The following KIF26B variants were observed in gnomAD, a reference collection of about 807,000 sequenced individuals.
KIF26B encodes kinesin family member 26B.
In KIF26B, 63 loss-of-function variants were observed where a neutral mutation model predicts 151.2. The ratio of observed to expected loss-of-function variants is 0.42; its 90% CI spans 0.34 to 0.51. KIF26B has a LOEUF of 0.51. Among genes scored for constraint, KIF26B ranks in the 20% least tolerant of loss-of-function variants. The pLI is 0.07. For missense variants in KIF26B, 2,813 were observed against 2,913.6 expected (o/e 0.97, Z 0.79); for synonymous variants, 1,357 against 1,262.1 (o/e 1.08, Z -1.59).
intron 2 of KIF26B, among the ~76,000 whole-genome samples, chr1:245,232,141 A>G (rs536039198): frequency 1.1e-4 from 16 of 152,370 alleles, no homozygotes; most frequent in African/African-American, 3.8e-4. Context: ...TTTGAATAAT[A>G]AAACAATGGA....
intron 10 of KIF26B, among the ~76,000 whole-genome samples, chr1:245,681,737 A>C (rs1038650285): frequency 1.3e-5 from 2 of 152,226 alleles, no homozygotes; most frequent in Non-Finnish European, 2.9e-5. Context: ...GACACCAAAG[A>C]AATGTACAAT....
intron 5 of KIF26B, among the ~76,000 whole-genome samples, chr1:245,548,019 A>G (rs1661788944): frequency 2.0e-5 from 3 of 152,184 alleles, no homozygotes; most frequent in Non-Finnish European, 4.4e-5. Context: ...CCTGCTTCAT[A>G]TGAGTAGACA....
At chr1:245,551,016 G>A in intron 5 of KIF26B, among the ~76,000 whole-genome samples, 1 of 152,236 alleles carries the variant, frequency 6.6e-6, no homozygotes, top group Middle Eastern at 3.4e-3. Flanking sequence ...TTTTTGTCCC[G>A]TCATCATGCA....
chr1:245,553,651 CA>C (rs146473392), intron 5 of KIF26B, among the ~76,000 whole-genome samples: 1 of 151,928 alleles, frequency 6.6e-6, no homozygotes, highest in Non-Finnish European at 1.5e-5. Flanking sequence ...CCAAAAGAAA[CA>C]AAAAAAGTCC....
chr1:245,274,063 T>C (rs1487599468), intron 2 of KIF26B, among the ~76,000 whole-genome samples: 1 of 152,190 alleles, frequency 6.6e-6, no homozygotes, highest in Non-Finnish European at 1.5e-5. Context: ...GGGGATTACA[T>C]AAAACATTTT....
chr1:245,368,122 T>G (rs1164303196), intron 3 of KIF26B, among the ~76,000 whole-genome samples: 2 of 151,930 alleles, frequency 1.3e-5, no homozygotes, highest in African/African-American at 4.8e-5. Flanking sequence ...GATGCCCTTC[T>G]TAACCTCTCC....
chr1:245,364,712 G>A (rs566342673), intron 2 of KIF26B, among the ~76,000 whole-genome samples: 2 of 152,202 alleles, frequency 1.3e-5, no homozygotes, highest in South Asian at 2.1e-4. Context: ...GAGCCACCGC[G>A]CCCGGCTGAA....
At chr1:245,482,558 G>C (rs1660190664) in intron 4 of KIF26B, among the ~76,000 whole-genome samples, 1 of 151,684 alleles carries the variant, frequency 6.6e-6, no homozygotes, top group Non-Finnish European at 1.5e-5. Context: ...CTGCCCGAGG[G>C]TACCCTGCTT....
rs2044732840 is a variant in KIF26B, at chr1:245,698,938, A to C, written c.6079A>C (p.Arg2027=). The C allele has an allele frequency of 3.1e-6, 5 of 1,613,930 alleles. No homozygotes were observed. Among genetic ancestry groups the C allele is most frequent in the Non-Finnish European group, 4.2e-6 (5 of 1,179,900 alleles). The change falls in exon 14 of 15, where the codon AGG becomes CGG. Residue 2027 remains arginine, a synonymous_variant. Transcript: ENST00000407071. The surrounding 1 kb of genome is among the most constrained non-coding windows in gnomAD (Gnocchi z 4.0). ...KLKILEHRQQ[R]IAEVRAKYEW... is the part of the protein sequence containing the mutation. ...GAAGATTCTGGAACACCGCCAGCAG[A>C]GGATCGCCGAGGTCCGCGCGAAGTA...
chr1:245,253,895 C>T (rs1670487192), intron 2 of KIF26B, among the ~76,000 whole-genome samples: 1 of 149,006 alleles, frequency 6.7e-6, no homozygotes, highest in African/African-American at 2.5e-5. Flanking sequence ...CTGCCAGCTC[C>T]ACCTCCCGGG....
chr1:245,552,757 T>A (rs1319653443), intron 5 of KIF26B, among the ~76,000 whole-genome samples: 1 of 151,932 alleles, frequency 6.6e-6, no homozygotes, highest in African/African-American at 2.4e-5. Flanking sequence ...ATGCCACCAC[T>A]CCCGGCTAAT....
At chr1:245,215,736 T>C (rs1420356344) in intron 2 of KIF26B, among the ~76,000 whole-genome samples, 1 of 152,168 alleles carries the variant, frequency 6.6e-6, no homozygotes, top group Non-Finnish European at 1.5e-5. Flanking sequence ...AGAAATTGGG[T>C]GACTGTGTAT....
intron 9 of KIF26B, among the ~76,000 whole-genome samples, chr1:245,621,101 C>T (rs1214221951): frequency 6.6e-6 from 1 of 152,176 alleles, no homozygotes; most frequent in Non-Finnish European, 1.5e-5. Context: ...TGCTGCCCTC[C>T]AGCCCAATTA....
At chr1:245,609,636 G>C (rs979194476) in intron 8 of KIF26B, 108 bp downstream of exon 8, 1 of 1,223,162 alleles carries the variant, frequency 8.2e-7, no homozygotes, top group East Asian at 2.7e-5. Context: ...AGAGGCTTAC[G>C]GGTGTTTACT....
chr1:245,534,483 G>T (rs1410739678), intron 4 of KIF26B, among the ~76,000 whole-genome samples: 2 of 151,870 alleles, frequency 1.3e-5, no homozygotes, highest in African/African-American at 4.8e-5. Context: ...TTTTATAGGT[G>T]TTCAGGAAAT....
At chr1:245,645,999 G>T in intron 9 of KIF26B, 122 bp from the exon 10 acceptor site, 2 of 1,047,904 alleles carry the variant, frequency 1.9e-6, no homozygotes, top group South Asian at 3.3e-5. Flanking sequence ...AGTAGGTCAT[G>T]AACGTCAACC....
rs557730934 is a variant in KIF26B, at chr1:245,416,064, C to T, written c.1000-3515C>T. 2.3e-4 allele frequency among the ~76,000 whole-genome samples: 34 copies of T among 145,568 alleles called. No individual in the cohort carries two copies. In the South Asian group the frequency reaches 6.7e-3, roughly 29 times the overall value. Reference sequence around the variant, plus strand: ...GGCGGATCACCTGAGGTCGGGAGTTCGAGATCAGCCTGGCTACCATGGAGA... The same window carrying T: ...GGCGGATCACCTGAGGTCGGGAGTTTGAGATCAGCCTGGCTACCATGGAGA... On this transcript the variant is annotated intron_variant, in intron 3 of 14. Coordinates refer to ENST00000407071, the MANE Select transcript of KIF26B (RefSeq NM_018012.4).
intron 3 of KIF26B, among the ~76,000 whole-genome samples, chr1:245,380,444 G>A (rs546306053): frequency 3.9e-5 from 6 of 152,184 alleles, no homozygotes; most frequent in Non-Finnish European, 7.3e-5. Flanking sequence ...GCTCCCCACC[G>A]TCCATTAGGC....
chr1:245,439,360 A>AAAAAAAG (rs1208781846), intron 4 of KIF26B, among the ~76,000 whole-genome samples: 1 of 151,424 alleles, frequency 6.6e-6, no homozygotes, highest in South Asian at 2.1e-4. Context: ...AAAAAAAAAA[A>AAAAAAAG]AAAGAAAAAA....
Sources: allele counts gnomAD v4.1 joint callset (sites outside exome capture counted in the v4.1 genomes callset), GRCh38; gene constraint gnomAD v4.1.1; non-coding constraint Gnocchi (gnomAD v3.1); transcripts MANE v1.5; gene names NCBI Gene and HGNC (gene_info 2026-07-23, HGNC 2026-07-21).